The following GPHN variants were observed in gnomAD, a reference collection of about 807,000 sequenced individuals.
The protein encoded by GPHN is gephyrin.
Under a neutral mutation model 95.5 loss-of-function variants are expected in GPHN, and 17 were observed. That is an observed-to-expected ratio of 0.18 (90% CI 0.12 to 0.27). The LOEUF is 0.27. GPHN is among the 10% of genes least tolerant of loss of function. The pLI is 1.00. For missense variants in GPHN, 660 were observed against 978.1 expected (o/e 0.67, Z 4.34); for synonymous variants, 320 against 322.5 (o/e 0.99, Z 0.08).
intron 1 of GPHN, among the ~76,000 whole-genome samples, chr14:66,627,846 T>C (rs948161326): frequency 5.9e-5 from 9 of 152,156 alleles, no homozygotes; most frequent in Non-Finnish European, 1.2e-4. Context: ...AATGGTGTGC[T>C]TCTAATTACC....
Position 66,965,332 on chromosome 14 carries a change from A to C in GPHN, c.963+7A>C. On this transcript the variant is annotated splice_region_variant and intron_variant, in intron 9 of 22. Transcript: ENST00000478722. ...TTCCTGCCCAACACCAAAAGTAAGTATGGTTCCTTCGCATCTTACACCTGC... is the reference window on the plus strand; with the variant it reads ...TTCCTGCCCAACACCAAAAGTAAGTCTGGTTCCTTCGCATCTTACACCTGC... 1 of 1,612,668 alleles carries C rather than the reference A, an allele frequency of 6.2e-7. No individual in the cohort carries two copies. Among genetic ancestry groups the C allele is most frequent in the East Asian group, 2.2e-5 (1 of 44,846 alleles).
chr14:67,699,836 C>CA, the GPHN span, among the ~76,000 whole-genome samples: 2 of 152,066 alleles, frequency 1.3e-5, no homozygotes, highest in Non-Finnish European at 2.9e-5. Flanking sequence ...AAGACAAACT[C>CA]AATGAAAAGA....
intron 1 of GPHN, among the ~76,000 whole-genome samples, chr14:66,549,000 G>A (rs982896243): frequency 7.2e-5 from 11 of 151,802 alleles, no homozygotes; most frequent in South Asian, 2.1e-4. Context: ...GACTTTTTAC[G>A]TGCTCTCATT....
chr14:67,522,895 T>C, the GPHN span, among the ~76,000 whole-genome samples: 1 of 152,134 alleles, frequency 6.6e-6, no homozygotes, highest in Admixed American at 6.5e-5. Context: ...GCCCAAAGGG[T>C]TGATGATCCC....
chr14:67,582,322 G>A, the GPHN span: 1 of 1,555,266 alleles, frequency 6.4e-7, no homozygotes, highest in Non-Finnish European at 8.7e-7. The surrounding 1 kb of genome is among the most constrained non-coding windows in gnomAD (Gnocchi z 5.0). Context: ...TCAGGAGAGG[G>A]CAGCTTTGCC....
the GPHN span, among the ~76,000 whole-genome samples, chr14:67,361,949 A>AATT: frequency 6.6e-6 from 1 of 151,242 alleles, no homozygotes; most frequent in East Asian, 1.9e-4. Context: ...TTTGTATTGT[A>AATT]ATTATTTGCT....
At chr14:66,840,278 CAAAAATA>C (rs2062022000) in intron 4 of GPHN, among the ~76,000 whole-genome samples, 1 of 151,802 alleles carries the variant, frequency 6.6e-6, no homozygotes. Context: ...GACACTGTCT[CAAAAATA>C]AAAAATAAAA....
At chr14:67,469,011 T>C in the GPHN span, among the ~76,000 whole-genome samples, 2 of 152,210 alleles carry the variant, frequency 1.3e-5, no homozygotes, top group African/African-American at 4.8e-5. Flanking sequence ...AGACCCTGTT[T>C]CATTTTGCTT....
At chr14:67,201,503 C>T in the GPHN span, 1 of 456,004 alleles carries the variant, frequency 2.2e-6, no homozygotes, top group Non-Finnish European at 4.4e-6. Context: ...TTCATCTCAT[C>T]CTGGTGGCTC....
chr14:67,193,370 TATATATCTAGATATATCTAG>T, the GPHN span, among the ~76,000 whole-genome samples: 10 of 139,552 alleles, frequency 7.2e-5, no homozygotes, highest in South Asian at 4.6e-4. Context: ...ATAATCTATC[TATATATCTAGATATATCTAG>T]ATATATCTAG....
chr14:67,373,570 C>T, the GPHN span, among the ~76,000 whole-genome samples: 1 of 152,358 alleles, frequency 6.6e-6, no homozygotes, highest in East Asian at 1.9e-4. Context: ...GACATTCACT[C>T]TCACCACTGT....
At chr14:67,313,938 A>G in the GPHN span, among the ~76,000 whole-genome samples, 1 of 152,092 alleles carries the variant, frequency 6.6e-6, no homozygotes, top group Non-Finnish European at 1.5e-5. Context: ...AATGAATAAA[A>G]GATGATTTTA....
the GPHN span, among the ~76,000 whole-genome samples, chr14:67,669,551 GCCA>G: frequency 0.13 from 19,352 of 151,884 alleles, 1,292 homozygotes; most frequent in East Asian, 0.21. Context: ...ACAGGCACGA[GCCA>G]CCACACCTGG....
At chr14:66,540,152 C>G (rs1285945782) in intron 1 of GPHN, among the ~76,000 whole-genome samples, 1 of 152,184 alleles carries the variant, frequency 6.6e-6, no homozygotes, top group Non-Finnish European at 1.5e-5. Context: ...TGGCTCTGCT[C>G]GTGCTCCACA....
intron 8 of GPHN, among the ~76,000 whole-genome samples, chr14:66,943,779 A>C (rs2067568915): frequency 6.6e-6 from 1 of 152,154 alleles, no homozygotes; most frequent in Non-Finnish European, 1.5e-5. Flanking sequence ...GCAAAAGAAA[A>C]CCCAGTCACC....
At chr14:67,389,233 G>A in the GPHN span, among the ~76,000 whole-genome samples, 8 of 151,998 alleles carry the variant, frequency 5.3e-5, no homozygotes, top group African/African-American at 1.9e-4. Context: ...ATAAAATACT[G>A]GAAATATTTG....
At chr14:66,518,679 T>A (rs548872739) in intron 1 of GPHN, among the ~76,000 whole-genome samples, 1 of 152,084 alleles carries the variant, frequency 6.6e-6, no homozygotes, top group African/African-American at 2.4e-5. Context: ...CTATCATTCA[T>A]GGCAACATGG....
chr14:67,198,145 G>T, the GPHN span: 1 of 1,603,040 alleles, frequency 6.2e-7, no homozygotes, highest in Admixed American at 1.7e-5. Context: ...GTTTTTTTAT[G>T]TTTATGTGCA....
At chr14:66,627,638 T>C (rs2063572168) in intron 1 of GPHN, among the ~76,000 whole-genome samples, 1 of 152,082 alleles carries the variant, frequency 6.6e-6, no homozygotes, top group Admixed American at 6.6e-5. Flanking sequence ...AATCGTTCTT[T>C]AAAGTAGTCC....
Sources: allele counts gnomAD v4.1 joint callset (sites outside exome capture counted in the v4.1 genomes callset), GRCh38; gene constraint gnomAD v4.1.1; non-coding constraint Gnocchi (gnomAD v3.1); transcripts MANE v1.5; gene names NCBI Gene and HGNC (gene_info 2026-07-23, HGNC 2026-07-21).